The following EPS15L1 variants were observed in gnomAD, a reference collection of about 807,000 sequenced individuals.
EPS15L1 encodes the protein epidermal growth factor receptor pathway substrate 15 like 1.
Under a neutral mutation model 117.1 loss-of-function variants are expected in EPS15L1, and 43 were observed. The observed-to-expected ratio is 0.37, with a 90% CI of 0.29 to 0.47. The LOEUF is 0.47. Among genes scored for constraint, EPS15L1 ranks in the 20% least tolerant of loss-of-function variants. The probability of loss-of-function intolerance (pLI) is 0.99; values close to 1 mark genes in which losing one functional copy is unlikely to be tolerated. For missense variants in EPS15L1, 981 were observed against 1,164.0 expected (o/e 0.84, Z 2.29); for synonymous variants, 459 against 470.5 (o/e 0.98, Z 0.32).
chr19:16,442,581 T>C (rs2145082139), intron 1 of EPS15L1, among the ~76,000 whole-genome samples: 1 of 152,276 alleles, frequency 6.6e-6, no homozygotes, highest in South Asian at 2.1e-4. Context: ...CTGAGATTGT[T>C]CTCTGGCTCC....
At chr19:16,464,079 G>C (rs1295829419) in intron 1 of EPS15L1, among the ~76,000 whole-genome samples, 1 of 152,244 alleles carries the variant, frequency 6.6e-6, no homozygotes, top group East Asian at 1.9e-4. Context: ...CCTGGCTGGT[G>C]TGCCCAAGAG....
chr19:16,460,149 T>G (rs1046404954), intron 1 of EPS15L1, among the ~76,000 whole-genome samples: 2 of 152,106 alleles, frequency 1.3e-5, no homozygotes, highest in Non-Finnish European at 2.9e-5. Flanking sequence ...GGCGTGGTGG[T>G]GTGCTGAGGA....
In EPS15L1 at chr19:16,443,081, G is replaced by A. The variant is rs545248606; in HGVS notation, c.34-862C>T. On this transcript the variant is annotated intron_variant, in intron 1 of 23. Transcript: ENST00000455140. ...ATGCTGGCTGTAAAAGTTTACGTGCGTTGGTGTTTTAGTAAGTGAGGTGAA... is the reference window on the plus strand; with the variant it reads ...ATGCTGGCTGTAAAAGTTTACGTGCATTGGTGTTTTAGTAAGTGAGGTGAA... Among the ~76,000 whole-genome samples, 61 of 152,340 alleles carry A rather than the reference G, an allele frequency of 4.0e-4. 1 individual carries two copies. The highest frequency in any genetic ancestry group is 2.1e-4 in the South Asian group (1 of 4,832).
intron 7 of EPS15L1, among the ~76,000 whole-genome samples, chr19:16,429,141 C>T (rs1309725471): frequency 6.6e-6 from 1 of 152,136 alleles, no homozygotes; most frequent in East Asian, 1.9e-4. Context: ...CCTGCAAACC[C>T]CACCCCTCCC....
upstream of EPS15L1, chr19:16,471,973 CG>C (rs1282032871): frequency 3.9e-6 from 5 of 1,272,966 alleles, no homozygotes; most frequent in Non-Finnish European, 3.0e-6. The surrounding 1 kb of genome is among the most constrained non-coding windows in gnomAD (Gnocchi z 4.8). Context: ...CTCCGAGCGC[CG>C]GGGGAACGGG....
In EPS15L1 at chr19:16,455,129, C is replaced by CA. The variant is rs1294446401; in HGVS notation, c.34-12911dup. 1.7e-3 allele frequency among the ~76,000 whole-genome samples: 236 copies of CA among 141,604 alleles called. 4 individuals carry two copies. The highest frequency in any genetic ancestry group is 0.012 in the South Asian group (56 of 4,488). 92.9% of individuals were successfully genotyped at this position (141,604 alleles called of 152,430 possible). A position where few individuals can be genotyped will look rare whatever the true frequency, so the allele number is the denominator to read the frequency against. On this transcript the variant is annotated intron_variant, in intron 1 of 23. Transcript: ENST00000455140. ...GGGCAACAAGAGCGAAACTCCATCT[C>CA]AAAAAAAAAAAGAGAGACAGCTCTG...
At chr19:16,450,465 C>T (rs923045694) in intron 1 of EPS15L1, among the ~76,000 whole-genome samples, 2 of 148,470 alleles carry the variant, frequency 1.3e-5, no homozygotes, top group African/African-American at 5.0e-5. Context: ...GAGCCCCAGG[C>T]ATGTCCATCT....
intron 1 of EPS15L1, among the ~76,000 whole-genome samples, chr19:16,456,934 T>C (rs1004556245): frequency 6.6e-6 from 1 of 151,944 alleles, no homozygotes; most frequent in Admixed American, 6.6e-5. Context: ...AGACAGGATG[T>C]CATCCCCAGG....
At chr19:16,393,420 G>C (rs2092502108) in intron 18 of EPS15L1, among the ~76,000 whole-genome samples, 1 of 151,834 alleles carries the variant, frequency 6.6e-6, no homozygotes, top group South Asian at 2.1e-4. Context: ...GACCAAGGTG[G>C]GCAGATCACC....
chr19:16,440,938 A>G (rs201753082), intron 3 of EPS15L1, 29 bp from the exon 4 acceptor site: 335 of 1,612,220 alleles, frequency 2.1e-4, no homozygotes, highest in Non-Finnish European at 1.2e-4. Flanking sequence ...GCTCATAAGC[A>G]TGACTGCCGA....
intron 1 of EPS15L1, among the ~76,000 whole-genome samples, chr19:16,460,689 G>T (rs1039749090): frequency 6.6e-6 from 1 of 152,162 alleles, no homozygotes; most frequent in Non-Finnish European, 1.5e-5. Context: ...AAGCCAGCAC[G>T]GGGGTGCCGC....
chr19:16,399,818 G>A (rs1011988064), intron 16 of EPS15L1, among the ~76,000 whole-genome samples: 6 of 151,716 alleles, frequency 4.0e-5, no homozygotes, highest in East Asian at 1.9e-4. Flanking sequence ...CATTGTGCCC[G>A]GCCAGTTCCT....
chr19:16,433,788 C>T (rs1227908261), intron 7 of EPS15L1, among the ~76,000 whole-genome samples: 1 of 152,040 alleles, frequency 6.6e-6, no homozygotes, highest in Non-Finnish European at 1.5e-5. Flanking sequence ...CATGGTAAAA[C>T]ACCATCTCTA....
intron 10 of EPS15L1, 79 bp downstream of exon 10, chr19:16,421,240 G>A: frequency 6.8e-7 from 1 of 1,480,702 alleles, no homozygotes; most frequent in Non-Finnish European, 9.1e-7. Context: ...GGGGCCCCCT[G>A]ACCACCACCC....
At chr19:16,434,621 A>T (rs1198517613) in intron 6 of EPS15L1, 131 bp from the exon 7 acceptor site, 1 of 950,132 alleles carries the variant, frequency 1.1e-6, no homozygotes, top group Non-Finnish European at 1.6e-6. Context: ...GCACAAAATG[A>T]TCTTAGAACA....
intron 13 of EPS15L1, among the ~76,000 whole-genome samples, chr19:16,407,065 C>T (rs1168903081): frequency 6.6e-6 from 1 of 152,194 alleles, no homozygotes; most frequent in East Asian, 1.9e-4. Flanking sequence ...CTTGGACTTC[C>T]CAGCCTCCTG....
chr19:16,394,559 TA>T (rs1467106569), intron 17 of EPS15L1, among the ~76,000 whole-genome samples: 1 of 152,234 alleles, frequency 6.6e-6, no homozygotes, highest in East Asian at 1.9e-4. Context: ...CTCCTGGAAA[TA>T]CTGTTTTGCT....
intron 9 of EPS15L1, among the ~76,000 whole-genome samples, chr19:16,423,760 G>A (rs1375755080): frequency 1.3e-5 from 2 of 152,170 alleles, no homozygotes; most frequent in Non-Finnish European, 2.9e-5. Flanking sequence ...TTAAGTCACG[G>A]AGCTACAGCA....
intron 20 of EPS15L1, among the ~76,000 whole-genome samples, chr19:16,385,461 A>C (rs1392965342): frequency 6.6e-6 from 1 of 152,212 alleles, no homozygotes; most frequent in East Asian, 1.9e-4. Context: ...CAGAAGAGTG[A>C]CAAGTTGCCA....
Sources: gnomAD v4.1 joint callset for allele counts (sites outside exome capture counted in the v4.1 genomes callset) on GRCh38, gnomAD v4.1.1 for gene constraint, Gnocchi (gnomAD v3.1) non-coding constraint, MANE v1.5 for transcripts, NCBI Gene and HGNC (gene_info 2026-07-23, HGNC 2026-07-21) for gene names.